The following PRELID2 variants were observed in gnomAD, a reference collection of about 807,000 sequenced individuals.
PRELID2 encodes PRELI domain containing 2.
In PRELID2, 25 loss-of-function variants were observed where a neutral mutation model predicts 28.4. The ratio of observed to expected loss-of-function variants is 0.88; its 90% confidence interval spans 0.64 to 1.23. The LOEUF (loss-of-function observed/expected upper bound fraction) is 1.23, where lower values mean the gene tolerates loss of function less well. PRELID2 is among the 50% of genes most tolerant of loss of function. The probability of loss-of-function intolerance (pLI) is 0.00; values close to 1 mark genes in which losing one functional copy is unlikely to be tolerated. For synonymous variants in PRELID2, 76 were observed against 71.6 expected (o/e 1.06, Z -0.31); for missense variants, 201 against 214.4 (o/e 0.94, Z 0.39).
At chr5:145,384,031 T>A in the PRELID2 span, among the ~76,000 whole-genome samples, 1 of 152,120 alleles carries the variant, frequency 6.6e-6, no homozygotes, top group South Asian at 2.1e-4. Context: ...AAAGAAGGTA[T>A]ACTAACGGCC....
At chr5:145,368,444 T>C in the PRELID2 span, among the ~76,000 whole-genome samples, 12 of 151,880 alleles carry the variant, frequency 7.9e-5, no homozygotes, top group African/African-American at 2.9e-4. Context: ...AACTGATGCA[T>C]TTAAGCCCAT....
the PRELID2 span, among the ~76,000 whole-genome samples, chr5:145,302,813 G>A: frequency 2.0e-5 from 3 of 151,916 alleles, no homozygotes; most frequent in Admixed American, 6.6e-5. Flanking sequence ...TTTTTTCCTA[G>A]TAGTAACAGT....
chr5:145,585,390 T>C (rs1753144213), intron 1 of PRELID2, among the ~76,000 whole-genome samples: 2 of 152,146 alleles, frequency 1.3e-5, no homozygotes, highest in South Asian at 2.1e-4. Context: ...TCATGGCACA[T>C]GTTTACCTAT....
intron 1 of PRELID2, among the ~76,000 whole-genome samples, chr5:145,630,234 G>T (rs1336736564): frequency 2.6e-5 from 4 of 152,082 alleles, no homozygotes; most frequent in African/African-American, 9.7e-5. Flanking sequence ...AGACCATTGG[G>T]TTTCATGAGC....
chr5:145,788,191 T>C (rs1177177266), intron 5 of PRELID2, among the ~76,000 whole-genome samples: 1 of 152,190 alleles, frequency 6.6e-6, no homozygotes, highest in African/African-American at 2.4e-5. Flanking sequence ...GCCTTTCATG[T>C]GTCCCAGATT....
At chr5:145,358,925 T>C in the PRELID2 span, among the ~76,000 whole-genome samples, 1 of 152,196 alleles carries the variant, frequency 6.6e-6, no homozygotes, top group Admixed American at 6.5e-5. Context: ...AGGATGATAG[T>C]ACTAGCTTTG....
chr5:145,640,856 T>C (rs944388518), intron 1 of PRELID2, among the ~76,000 whole-genome samples: 34 of 152,272 alleles, frequency 2.2e-4, no homozygotes, highest in Middle Eastern at 3.4e-3. Flanking sequence ...TGCAAACTCA[T>C]ATATATGACA....
At chr5:145,439,310 C>A in the PRELID2 span, among the ~76,000 whole-genome samples, 1 of 152,112 alleles carries the variant, frequency 6.6e-6, no homozygotes, top group East Asian at 1.9e-4. Flanking sequence ...GCAATACTGG[C>A]CCCCATTCTG....
At chr5:145,678,219 TCGTGAAAG>T (rs1754859850) in intron 1 of PRELID2, among the ~76,000 whole-genome samples, 1 of 152,230 alleles carries the variant, frequency 6.6e-6, no homozygotes, top group African/African-American at 2.4e-5. Flanking sequence ...TTAGGCATCC[TCGTGAAAG>T]TATGAGTAAG....
chr5:145,725,673 T>C (rs1167587890), intron 1 of PRELID2, among the ~76,000 whole-genome samples: 1 of 151,534 alleles, frequency 6.6e-6, no homozygotes, highest in East Asian at 2.0e-4. Context: ...TGTGATTAGG[T>C]CATCTGTGTT....
Position 145,758,046 on chromosome 5 carries a change from C to T in PRELID2, c.*2490G>A, listed in dbSNP as rs75284546. 2.2e-3 allele frequency among the ~76,000 whole-genome samples: 330 copies of T among 152,270 alleles called. 1 individual carries two copies. Among genetic ancestry groups the T allele is most frequent in the African/African-American group, 7.6e-3 (314 of 41,542 alleles). ...TTAAAGCTTGGCCAGGATGTTTAGG[C>T]CTGTCCTTAACACTCTGGAAGCAGA... On this transcript the variant is annotated 3_prime_UTR_variant, in exon 7 of 7. Coordinates refer to ENST00000683046, the MANE Select transcript of PRELID2 (RefSeq NM_205846.3).
At chr5:145,430,004 G>T in the PRELID2 span, 1 of 152,306 alleles carries the variant, frequency 6.6e-6, no homozygotes, top group African/African-American at 2.4e-5. Context: ...AGGCCAGTCT[G>T]TATTACCTGA....
the PRELID2 span, among the ~76,000 whole-genome samples, chr5:145,387,768 C>CAAA: frequency 6.6e-6 from 1 of 151,558 alleles, no homozygotes; most frequent in Non-Finnish European, 1.5e-5. Context: ...CCTGTCTGTA[C>CAAA]AAAAAATACA....
At chr5:145,683,832 C>T (rs1195251843) in intron 1 of PRELID2, among the ~76,000 whole-genome samples, 1 of 152,140 alleles carries the variant, frequency 6.6e-6, no homozygotes, top group South Asian at 2.1e-4. Flanking sequence ...TGCTTGGTCA[C>T]TGGCCAGTAG....
At chr5:145,669,607 C>T (rs1326694539) in intron 1 of PRELID2, among the ~76,000 whole-genome samples, 2 of 152,054 alleles carry the variant, frequency 1.3e-5, no homozygotes, top group African/African-American at 4.8e-5. Flanking sequence ...CAAGTCATGC[C>T]ATTTTATGTT....
At chr5:145,296,558 G>A in the PRELID2 span, among the ~76,000 whole-genome samples, 18 of 152,122 alleles carry the variant, frequency 1.2e-4, no homozygotes, top group East Asian at 1.2e-3. Flanking sequence ...TCCATGGTGT[G>A]TATGTGCCAC....
chr5:145,538,960 C>G (rs1752723594), intron 1 of PRELID2, among the ~76,000 whole-genome samples: 1 of 151,930 alleles, frequency 6.6e-6, no homozygotes. Flanking sequence ...GAATACCTGA[C>G]AGCATCACCA....
chr5:145,420,225 A>G, the PRELID2 span, among the ~76,000 whole-genome samples: 1 of 151,998 alleles, frequency 6.6e-6, no homozygotes, highest in Non-Finnish European at 1.5e-5. Flanking sequence ...CTCTTTTTTT[A>G]GTTCCATATG....
At chr5:145,815,747 T>A (rs1318406454) in intron 4 of PRELID2, among the ~76,000 whole-genome samples, 1 of 152,260 alleles carries the variant, frequency 6.6e-6, no homozygotes, top group East Asian at 1.9e-4. Context: ...ACTCCATTCC[T>A]TTTTGTAGCT....
Sources: gnomAD v4.1 joint callset for allele counts (sites outside exome capture counted in the v4.1 genomes callset) on GRCh38, gnomAD v4.1.1 for gene constraint, MANE v1.5 for transcripts, NCBI Gene and HGNC (gene_info 2026-07-23, HGNC 2026-07-21) for gene names.